The following CADM2 variants were observed in gnomAD, a reference collection of about 807,000 sequenced individuals.
CADM2 encodes cell adhesion molecule 2.
CADM2 carries 12 observed loss-of-function variants against 49.8 expected under a neutral mutation model. That is an observed-to-expected ratio of 0.24 (90% CI 0.15 to 0.39). The LOEUF (loss-of-function observed/expected upper bound fraction) is 0.39, where lower values mean the gene tolerates loss of function less well. Among genes scored for constraint, CADM2 ranks in the 10% least tolerant of loss-of-function variants. The pLI is 1.00. For synonymous variants in CADM2, 214 were observed against 175.4 expected, an observed-to-expected ratio of 1.22 and a Z score of -1.74; for missense variants, 378 against 492.3, an observed-to-expected ratio of 0.77 and a Z score of 2.20.
At chr3:85,330,157 A>G (rs958163492) in intron 1 of CADM2, among the ~76,000 whole-genome samples, 1 of 152,186 alleles carries the variant, frequency 6.6e-6, no homozygotes, top group Admixed American at 6.5e-5. Context: ...CATGATGCCT[A>G]GAGTCACAAG....
Position 85,843,351 on chromosome 3 carries a change from C to T in CADM2, c.239-39940C>T, listed in dbSNP as rs141765933. Among the ~76,000 whole-genome samples the T allele has an allele frequency of 6.5e-3, 985 of 152,096 alleles. 2 individuals are homozygous for T. The highest frequency in any genetic ancestry group is 0.011 in the Non-Finnish European group (765 of 67,986). The stretch of plus-strand genomic sequence containing the variant: ...TAATGTATCTTTGTCTTTAAGAATA[C>T]GGTCTTTCTCTCTCTCTCTTTCCTC... On this transcript the variant is annotated intron_variant, in intron 3 of 9. Transcript: ENST00000383699.
intron 5 of CADM2, among the ~76,000 whole-genome samples, chr3:85,896,281 G>A (rs912822874): frequency 2.6e-5 from 4 of 152,062 alleles, no homozygotes; most frequent in Non-Finnish European, 4.4e-5. Context: ...GTAAGACCTC[G>A]TCTCAAATAA....
chr3:85,563,767 C>G (rs2107193273), intron 1 of CADM2, among the ~76,000 whole-genome samples: 1 of 152,164 alleles, frequency 6.6e-6, no homozygotes, highest in African/African-American at 2.4e-5. Context: ...GAAAATGAAG[C>G]AAGTGGCCAA....
chr3:85,824,336 T>C (rs1444467905), intron 3 of CADM2, among the ~76,000 whole-genome samples: 1 of 152,078 alleles, frequency 6.6e-6, no homozygotes, highest in African/African-American at 2.4e-5. Context: ...GTGTCATGGA[T>C]AGTAAATGGG....
intron 1 of CADM2, among the ~76,000 whole-genome samples, chr3:85,215,775 A>C (rs1447734951): frequency 6.6e-6 from 1 of 152,122 alleles, no homozygotes; most frequent in Non-Finnish European, 1.5e-5. Context: ...ACCTCTGGCC[A>C]GGGCTGGTTT....
rs1470252217 is a variant in CADM2 at position 86,065,585 on chromosome 3, T to C, written c.971-20T>C. 8 of 1,604,530 alleles carry C rather than the reference T, an allele frequency of 5.0e-6. No homozygotes were observed. Among genetic ancestry groups the C allele is most frequent in the Admixed American group, 3.5e-5 (2 of 57,528 alleles). ...CTAAATAACACATTAAATAGAACAA[T>C]ATTTTCCTGTCTTTTCCAGATCCTA... On this transcript the variant is annotated intron_variant, in intron 8 of 9. Transcript: ENST00000383699.
intron 8 of CADM2, among the ~76,000 whole-genome samples, chr3:85,968,747 C>A (rs1725758768): frequency 6.6e-6 from 1 of 151,612 alleles, no homozygotes; most frequent in African/African-American, 2.4e-5. Context: ...CAGAGCTCTT[C>A]TACCCAAGTA....
chr3:85,246,635 A>G (rs1470997196), intron 1 of CADM2, among the ~76,000 whole-genome samples: 1 of 152,104 alleles, frequency 6.6e-6, no homozygotes, highest in Non-Finnish European at 1.5e-5. Context: ...AGTCTCTTTA[A>G]TAATTCAGAG....
At chr3:85,919,213 TG>T (rs1718777832) in intron 6 of CADM2, among the ~76,000 whole-genome samples, 1 of 152,082 alleles carries the variant, frequency 6.6e-6, no homozygotes, top group Non-Finnish European at 1.5e-5. Context: ...TTATCATTAA[TG>T]TTTGTTTAGT....
chr3:85,447,694 C>T (rs2037534243), intron 1 of CADM2, among the ~76,000 whole-genome samples: 1 of 152,168 alleles, frequency 6.6e-6, no homozygotes, highest in African/African-American at 2.4e-5. Context: ...AGGCAAATGA[C>T]ATTCAGCCAT....
chr3:84,981,444 A>G (rs1417021667), intron 1 of CADM2, among the ~76,000 whole-genome samples: 1 of 152,064 alleles, frequency 6.6e-6, no homozygotes, highest in East Asian at 1.9e-4. Flanking sequence ...GTACGTTACT[A>G]TTTATAAATC....
At chr3:85,597,564 G>T (rs115415171) in intron 1 of CADM2, among the ~76,000 whole-genome samples, 2 of 151,962 alleles carry the variant, frequency 1.3e-5, no homozygotes, top group African/African-American at 4.8e-5. Context: ...AAAATGTTTT[G>T]ATACCTATAG....
intron 7 of CADM2, among the ~76,000 whole-genome samples, chr3:85,942,050 G>A (rs1043297583): frequency 9.9e-5 from 15 of 152,028 alleles, no homozygotes; most frequent in Admixed American, 8.5e-4. Context: ...GGTAGAATTG[G>A]GATTACAAAC....
intron 1 of CADM2, among the ~76,000 whole-genome samples, chr3:85,091,204 T>G (rs1227466683): frequency 1.3e-5 from 2 of 152,062 alleles, no homozygotes; most frequent in African/African-American, 4.8e-5. Flanking sequence ...TAGTAAAAAT[T>G]TCAATGACTT....
At chr3:85,011,615 T>A (rs922267258) in intron 1 of CADM2, among the ~76,000 whole-genome samples, 4 of 152,200 alleles carry the variant, frequency 2.6e-5, no homozygotes, top group African/African-American at 9.7e-5. Flanking sequence ...TTTAGCAATC[T>A]TTTATCAAAA....
At chr3:85,252,799 C>A (rs1049620652) in intron 1 of CADM2, among the ~76,000 whole-genome samples, 3 of 151,916 alleles carry the variant, frequency 2.0e-5, no homozygotes, top group Non-Finnish European at 4.4e-5. Context: ...TCTGCTCTAT[C>A]ATTTGCCCTT....
At chr3:85,285,956 ATGT>A (rs1321335508) in intron 1 of CADM2, among the ~76,000 whole-genome samples, 3 of 152,118 alleles carry the variant, frequency 2.0e-5, no homozygotes, top group Non-Finnish European at 2.9e-5. Flanking sequence ...GAAAATGGAA[ATGT>A]TGTACTTTTA....
chr3:85,573,934 T>A (rs1034753875), intron 1 of CADM2, among the ~76,000 whole-genome samples: 1 of 152,082 alleles, frequency 6.6e-6, no homozygotes, highest in Non-Finnish European at 1.5e-5. Flanking sequence ...ATATGCAACA[T>A]GTGAAGCATG....
chr3:85,211,085 CA>C (rs150131205), intron 1 of CADM2, among the ~76,000 whole-genome samples: 522 of 152,226 alleles, frequency 3.4e-3, no homozygotes, highest in African/African-American at 0.012. Context: ...AATGATCACT[CA>C]TAGTAGTCAA....
Sources: gnomAD v4.1 joint callset for allele counts (sites outside exome capture counted in the v4.1 genomes callset) on GRCh38, gnomAD v4.1.1 for gene constraint, MANE v1.5 for transcripts, NCBI Gene and HGNC (gene_info 2026-07-23, HGNC 2026-07-21) for gene names.